TRAPPC9: variants seen among roughly 807,000 people sequenced by gnomAD.
The protein encoded by TRAPPC9 is trafficking protein particle complex subunit 9.
TRAPPC9 carries 83 observed loss-of-function variants against 124.0 expected under a neutral mutation model. The ratio of observed to expected loss-of-function variants is 0.67; its 90% CI spans 0.56 to 0.80. TRAPPC9 has a LOEUF of 0.80. Ranked by LOEUF, TRAPPC9 falls within the 30% of genes least tolerant of loss-of-function variation. The probability of loss-of-function intolerance (pLI) is 0.00; values close to 1 mark genes in which losing one functional copy is unlikely to be tolerated. For synonymous variants in TRAPPC9, 638 were observed against 617.5 expected, an observed-to-expected ratio of 1.03 and a Z score of -0.49; for missense variants, 1,302 against 1,508.3, an observed-to-expected ratio of 0.86 and a Z score of 2.27.
intron 21 of TRAPPC9, among the ~76,000 whole-genome samples, chr8:139,751,569 G>A (rs1479772307): frequency 2.6e-5 from 4 of 152,064 alleles, no homozygotes; most frequent in South Asian, 2.1e-4. Flanking sequence ...TTAGGGTGAC[G>A]GATATAGCTC....
At chr8:140,455,910 A>C (rs2132738760) in intron 1 of TRAPPC9, among the ~76,000 whole-genome samples, 1 of 152,324 alleles carries the variant, frequency 6.6e-6, no homozygotes, top group African/African-American at 2.4e-5. Flanking sequence ...AAAGAAGCTA[A>C]ATACAAAAGG....
intron 16 of TRAPPC9, among the ~76,000 whole-genome samples, chr8:140,232,797 A>C (rs2131381114): frequency 6.6e-6 from 1 of 152,340 alleles, no homozygotes. Flanking sequence ...AGCTCAATTA[A>C]CATACGTTAT....
chr8:140,320,181 T>A (rs1293819589), intron 9 of TRAPPC9, among the ~76,000 whole-genome samples: 1 of 152,196 alleles, frequency 6.6e-6, no homozygotes, highest in South Asian at 2.1e-4. Flanking sequence ...CCACAGTTAG[T>A]ATTTGAATGG....
chr8:140,309,350 T>C (rs1437932149), intron 10 of TRAPPC9, among the ~76,000 whole-genome samples: 1 of 152,228 alleles, frequency 6.6e-6, no homozygotes, highest in African/African-American at 2.4e-5. Context: ...AAACGAAGTG[T>C]AAAGAGACTG....
chr8:140,264,188 C>T (rs1175607761), intron 15 of TRAPPC9, among the ~76,000 whole-genome samples: 1 of 152,242 alleles, frequency 6.6e-6, no homozygotes, highest in Non-Finnish European at 1.5e-5. Context: ...TATGGCACTT[C>T]AGCCAGCTCA....
intron 17 of TRAPPC9, among the ~76,000 whole-genome samples, chr8:140,129,626 A>G (rs2061168070): frequency 6.6e-6 from 1 of 152,172 alleles, no homozygotes; most frequent in African/African-American, 2.4e-5. Context: ...AGGAGGATTG[A>G]ACACCTAAGT....
chr8:140,417,461 A>C (rs1276057205), intron 5 of TRAPPC9, among the ~76,000 whole-genome samples: 1 of 152,234 alleles, frequency 6.6e-6, no homozygotes, highest in Non-Finnish European at 1.5e-5. Context: ...ATACGAAAAA[A>C]GCTCATCATC....
chr8:140,361,654 A>G (rs904699477), intron 8 of TRAPPC9, among the ~76,000 whole-genome samples: 1 of 152,194 alleles, frequency 6.6e-6, no homozygotes, highest in African/African-American at 2.4e-5. Context: ...TAATGATCCA[A>G]CCTGTTCCAC....
At position 139,961,331 on chromosome 8, in the gene TRAPPC9, G is replaced by A. The variant is rs1284108939; in HGVS notation, c.2810+27395C>T. Reference sequence around the variant, plus strand: ...AGCATGGCAGGGAGGCATGGCTGGGGCTGTATACTCCATGGAGCCAGTGAG... The same window carrying A: ...AGCATGGCAGGGAGGCATGGCTGGGACTGTATACTCCATGGAGCCAGTGAG... On this transcript the variant is annotated intron_variant, in intron 19 of 22. Transcript: ENST00000438773. Among the ~76,000 whole-genome samples the A allele has an allele frequency of 1.6e-5, 2 of 124,256 alleles. 1 individual carries two copies. Among genetic ancestry groups the A allele is most frequent in the Non-Finnish European group, 3.9e-5 (2 of 51,924 alleles). 81.5% of individuals were successfully genotyped at this position (124,256 alleles called of 152,430 possible). A position where few individuals can be genotyped will look rare whatever the true frequency, so the allele number is the denominator to read the frequency against.
chr8:140,159,880 C>T (rs1053369848), intron 17 of TRAPPC9, among the ~76,000 whole-genome samples: 7 of 152,172 alleles, frequency 4.6e-5, no homozygotes, highest in Admixed American at 1.3e-4. Context: ...AAATAGTCTG[C>T]GGCCCCTGTT....
chr8:140,340,942 A>C (rs2067176465), intron 9 of TRAPPC9, among the ~76,000 whole-genome samples: 1 of 152,246 alleles, frequency 6.6e-6, no homozygotes, highest in Non-Finnish European at 1.5e-5. Flanking sequence ...TATTGAGCAC[A>C]GGTTCTCAAT....
chr8:139,889,596 T>C (rs1830210484), intron 20 of TRAPPC9, among the ~76,000 whole-genome samples: 1 of 152,114 alleles, frequency 6.6e-6, no homozygotes, highest in Non-Finnish European at 1.5e-5. Flanking sequence ...TTTGAAAATG[T>C]TTCACACTCC....
chr8:140,217,286 C>A (rs4437628), intron 17 of TRAPPC9, among the ~76,000 whole-genome samples: 1 of 151,964 alleles, frequency 6.6e-6, no homozygotes, highest in African/African-American at 2.4e-5. Flanking sequence ...CAAGGACATC[C>A]TCTGTGGCCT....
At chr8:140,088,822 G>A (rs985992058) in intron 17 of TRAPPC9, among the ~76,000 whole-genome samples, 4 of 152,048 alleles carry the variant, frequency 2.6e-5, no homozygotes, top group Non-Finnish European at 4.4e-5. Context: ...ATATGCTAAC[G>A]TAAAATTAAA....
At chr8:139,990,798 G>C (rs979777571) in intron 18 of TRAPPC9, among the ~76,000 whole-genome samples, 25 of 152,148 alleles carry the variant, frequency 1.6e-4, no homozygotes, top group Admixed American at 1.2e-3. Context: ...TGATGGCCAG[G>C]CTGGTCTCAA....
At chr8:140,443,326 A>T (rs527847346) in intron 2 of TRAPPC9, among the ~76,000 whole-genome samples, 1 of 146,962 alleles carries the variant, frequency 6.8e-6, no homozygotes, top group South Asian at 2.2e-4. Flanking sequence ...GTCCCAGCTA[A>T]TCAGGAGGCT....
intron 18 of TRAPPC9, among the ~76,000 whole-genome samples, chr8:140,015,390 G>A (rs1257069844): frequency 6.6e-6 from 1 of 152,234 alleles, no homozygotes; most frequent in African/African-American, 2.4e-5. Flanking sequence ...TCACCTGTGA[G>A]CAAAATGAAA....
At chr8:140,331,666 AAGACGTGAAT>A (rs1000274768) in intron 9 of TRAPPC9, among the ~76,000 whole-genome samples, 1 of 150,810 alleles carries the variant, frequency 6.6e-6, no homozygotes, top group Non-Finnish European at 1.5e-5. Context: ...AAGCAGGCAA[AAGACGTGAAT>A]AGACATTTCT....
chr8:140,036,582 G>T (rs150327136), intron 17 of TRAPPC9, among the ~76,000 whole-genome samples: 55 of 152,306 alleles, frequency 3.6e-4, no homozygotes, highest in African/African-American at 1.3e-3. Flanking sequence ...CCATGACTCT[G>T]ATTTAGGACA....
Sources: gnomAD v4.1 joint callset for allele counts (sites outside exome capture counted in the v4.1 genomes callset) on GRCh38, gnomAD v4.1.1 for gene constraint, MANE v1.5 for transcripts, NCBI Gene and HGNC (gene_info 2026-07-23, HGNC 2026-07-21) for gene names.